The following SLC17A3 variants were observed in gnomAD, a reference collection of about 807,000 sequenced individuals.
SLC17A3 encodes the protein sodium-dependent phosphate transport protein 4.
In SLC17A3, 61 loss-of-function variants were observed where a neutral mutation model predicts 60.3. That is an observed-to-expected ratio of 1.01 (90% CI 0.82 to 1.25). The LOEUF (loss-of-function observed/expected upper bound fraction) is 1.25, where lower values mean the gene tolerates loss of function less well. Ranked by LOEUF, SLC17A3 falls within the 50% of genes most tolerant of loss-of-function variation. The pLI is 0.00. For synonymous variants in SLC17A3, 192 were observed against 208.9 expected, an observed-to-expected ratio of 0.92 and a Z score of 0.70; for missense variants, 624 against 594.9, an observed-to-expected ratio of 1.05 and a Z score of -0.51.
At chr6:25,857,832 G>A (rs116497510) in intron 5 of SLC17A3, among the ~76,000 whole-genome samples, 3,186 of 152,078 alleles carry the variant, frequency 0.021, 87 homozygotes, top group African/African-American at 0.062. Flanking sequence ...GACTATAATG[G>A]GGGACAGGTT....
chr6:25,868,556 C>T (rs1765578314), intron 1 of SLC17A3, 136 bp from the exon 2 acceptor site: 2 of 634,840 alleles, frequency 3.2e-6, no homozygotes, highest in Admixed American at 2.5e-5. Context: ...TCATTATCCC[C>T]TCTTGGCTCA....
At chr6:25,867,574 A>T (rs953122830) in intron 2 of SLC17A3, among the ~76,000 whole-genome samples, 4 of 151,972 alleles carry the variant, frequency 2.6e-5, no homozygotes, top group Non-Finnish European at 5.9e-5. Context: ...GTTCATAAAC[A>T]TCTAATAACC....
At chr6:25,852,532 G>A (rs1189541048) in intron 6 of SLC17A3, among the ~76,000 whole-genome samples, 1 of 151,898 alleles carries the variant, frequency 6.6e-6, no homozygotes, top group Non-Finnish European at 1.5e-5. Context: ...TCTGTGTGGT[G>A]GGTTTTGGAT....
chr6:25,869,169 G>A (rs1052946812), intron 1 of SLC17A3, among the ~76,000 whole-genome samples: 6 of 151,946 alleles, frequency 3.9e-5, no homozygotes, highest in Non-Finnish European at 7.4e-5. Context: ...TAAGAGAACT[G>A]AAAAGAACCA....
At chr6:25,851,104 A>G (rs1248537031) in intron 6 of SLC17A3, among the ~76,000 whole-genome samples, 3 of 152,094 alleles carry the variant, frequency 2.0e-5, no homozygotes, top group Admixed American at 6.5e-5. Context: ...AATATTTTTA[A>G]TATTAGCCAT....
At chr6:25,863,610 C>A (rs1561859064) in intron 2 of SLC17A3, among the ~76,000 whole-genome samples, 1 of 152,108 alleles carries the variant, frequency 6.6e-6, no homozygotes, top group East Asian at 1.9e-4. Context: ...GGACTTCAAT[C>A]GATGAGACTG....
chr6:25,847,848 A>T (rs557471234), intron 11 of SLC17A3, among the ~76,000 whole-genome samples: 1 of 152,208 alleles, frequency 6.6e-6, no homozygotes, highest in East Asian at 1.9e-4. Flanking sequence ...CCCATCACCC[A>T]ATCAGAATAC....
chr6:25,866,033 C>T (rs1765529039), intron 2 of SLC17A3, among the ~76,000 whole-genome samples: 1 of 151,940 alleles, frequency 6.6e-6, no homozygotes, highest in Non-Finnish European at 1.5e-5. Flanking sequence ...CTTAAGGTGG[C>T]CCCAGTGATT....
At chr6:25,850,277 A>G in intron 8 of SLC17A3, 100 bp from the exon 9 acceptor site, 1 of 1,430,252 alleles carries the variant, frequency 7.0e-7, no homozygotes, top group Non-Finnish European at 9.7e-7. Context: ...CTGAAATCAT[A>G]CTTTCTTAGG....
At position 25,861,868 on chromosome 6, in the gene SLC17A3, T is replaced by C. The variant is rs1765453547; in HGVS notation, c.465A>G (p.Leu155=). ...CAAAGTCAGTGGCCAGAGGGATGCA[T>C]AGAGTGAGAAATGAAGTTGCAAACA... is the stretch of plus-strand genomic sequence containing the variant. ...ISLFATSFLT[L]CIPLATDFGI... Residue 155 remains leucine, a synonymous_variant, in exon 4 of 13, where the codon CTA becomes CTG. Coordinates refer to ENST00000397060, the MANE Select transcript of SLC17A3 (RefSeq NM_001098486.2). 6.2e-7 allele frequency: 1 copy of C among 1,613,424 alleles called. No homozygotes were observed.
intron 2 of SLC17A3, among the ~76,000 whole-genome samples, chr6:25,865,495 C>T (rs890384305): frequency 6.6e-6 from 1 of 151,922 alleles, no homozygotes; most frequent in African/African-American, 2.4e-5. Flanking sequence ...CTTGTGGCCT[C>T]TGATTTTCCC....
intron 1 of SLC17A3, among the ~76,000 whole-genome samples, chr6:25,869,386 T>C (rs2151528184): frequency 6.6e-6 from 1 of 152,122 alleles, no homozygotes; most frequent in African/African-American, 2.4e-5. Flanking sequence ...CTTAAACGTC[T>C]AAGCACTAGT....
chr6:25,858,768 C>T (rs575774132), intron 5 of SLC17A3, among the ~76,000 whole-genome samples: 1 of 152,192 alleles, frequency 6.6e-6, no homozygotes, highest in Non-Finnish European at 1.5e-5. Flanking sequence ...AGATGCCTAA[C>T]AGTTCATGGC....
Position 25,850,195 on chromosome 6 carries a change from A to G in SLC17A3, c.994-18T>C, listed in dbSNP as rs1314258802. The G allele has an allele frequency of 6.2e-7, 1 of 1,611,154 alleles. No individual in the cohort carries two copies. The highest frequency in any genetic ancestry group is 1.1e-5 in the South Asian group (1 of 90,764). On this transcript the variant is annotated intron_variant, in intron 8 of 12. Coordinates refer to ENST00000397060, the MANE Select transcript of SLC17A3 (RefSeq NM_001098486.2). ...AGTCCATTCTAAAGAGAAAAGATTGAGTAAATTACCATAATAAAGGCAGTG... is the reference window on the plus strand; with the variant it reads ...AGTCCATTCTAAAGAGAAAAGATTGGGTAAATTACCATAATAAAGGCAGTG...
intron 1 of SLC17A3, among the ~76,000 whole-genome samples, chr6:25,872,168 G>A (rs1765653785): frequency 1.3e-5 from 2 of 151,656 alleles, no homozygotes; most frequent in Middle Eastern, 3.4e-3. Flanking sequence ...TTATTTCATG[G>A]CATTTTATTG....
chr6:25,862,341 G>A lies in SLC17A3; in HGVS notation c.195C>T (p.Ala65=), dbSNP rs1446125097. ...QNVIMNITMV[A]MVNSTSPQSQ... ...ATTGAGGGCTTGTGCTGTTGACCAT[G>A]GCTACCATGGTGATGTTCATGATGA... Residue 65 remains alanine, a synonymous_variant, in exon 3 of 13, where the codon GCC becomes GCT. Coordinates refer to ENST00000397060, the MANE Select transcript of SLC17A3 (RefSeq NM_001098486.2). 3 of 1,613,664 alleles carry A rather than the reference G, an allele frequency of 1.9e-6. No individual in the cohort carries two copies. Among genetic ancestry groups the A allele is most frequent in the Non-Finnish European group, 2.5e-6 (3 of 1,179,788 alleles).
At chr6:25,855,349 T>C (rs894694049) in intron 5 of SLC17A3, 119 bp from the exon 6 acceptor site, 3 of 699,906 alleles carry the variant, frequency 4.3e-6, no homozygotes, top group Non-Finnish European at 7.6e-6. Flanking sequence ...ACGAGCATAT[T>C]AGAATGCACA....
chr6:25,869,842 C>T (rs1408604720), intron 1 of SLC17A3, among the ~76,000 whole-genome samples: 1 of 151,944 alleles, frequency 6.6e-6, no homozygotes, highest in Non-Finnish European at 1.5e-5. Context: ...CACATCCAAA[C>T]CATATCAGGA....
intron 6 of SLC17A3, 126 bp from the exon 7 acceptor site, chr6:25,851,003 T>C (rs957965588): frequency 4.0e-6 from 3 of 755,656 alleles, no homozygotes; most frequent in African/African-American, 3.4e-5. Context: ...CCCTTTTCCA[T>C]TTCTGAAACA....
Sources: allele counts gnomAD v4.1 joint callset (sites outside exome capture counted in the v4.1 genomes callset), GRCh38; gene constraint gnomAD v4.1.1; transcripts MANE v1.5; gene names NCBI Gene and HGNC (gene_info 2026-07-23, HGNC 2026-07-21).